The following SLC22A2 variants were observed in gnomAD, a reference collection of about 807,000 sequenced individuals.
SLC22A2 encodes the protein solute carrier family 22 member 2, also known as organic cation transporter 2.
In SLC22A2, 46 loss-of-function variants were observed where a neutral mutation model predicts 60.5. The observed-to-expected ratio is 0.76, with a 90% CI of 0.60 to 0.97. The LOEUF is 0.97. SLC22A2 is among the 50% of genes least tolerant of loss of function. The pLI is 0.00. For missense variants in SLC22A2, 701 were observed against 706.6 expected (o/e 0.99, Z 0.09); for synonymous variants, 303 against 267.0 (o/e 1.13, Z -1.31).
At chr6:160,248,441 T>G (rs770898153) in intron 4 of SLC22A2, among the ~76,000 whole-genome samples, 1 of 152,182 alleles carries the variant, frequency 6.6e-6, no homozygotes, top group African/African-American at 2.4e-5. Flanking sequence ...CAGAGTTTTA[T>G]TGGCTTTTGG....
At chr6:160,254,301 A>G (rs907114989) in intron 2 of SLC22A2, among the ~76,000 whole-genome samples, 3 of 152,094 alleles carry the variant, frequency 2.0e-5, no homozygotes, top group African/African-American at 7.2e-5. Flanking sequence ...AATAAAAAAT[A>G]TAGTACTTAT....
chr6:160,256,470 G>A lies in SLC22A2; in HGVS notation c.518+144C>T, dbSNP rs1783273300. ...TATCCAAGCAGCAGAAGAAATTTAA[G>A]ATTGTAAAAACACCAGCATGAAGGC... On this transcript the variant is annotated intron_variant, in intron 2 of 10. Transcript: ENST00000366953. 5 of 627,426 alleles carry A rather than the reference G, an allele frequency of 8.0e-6. No individual in the cohort carries two copies. The South Asian group carries it at 9.8e-5, about 12-fold the overall frequency. The allele number at this position is 627,426 out of a possible 1,614,324, so 38.9% of individuals were successfully genotyped here.
At chr6:160,245,353 G>T in intron 6 of SLC22A2, 86 bp downstream of exon 6, 1 of 717,756 alleles carries the variant, frequency 1.4e-6, no homozygotes, top group Non-Finnish European at 2.3e-6. Context: ...ATACCGGGAT[G>T]AGGTCATGTT....
chr6:160,245,634 C>A, intron 5 of SLC22A2, 89 bp from the exon 6 acceptor site: 2 of 650,488 alleles, frequency 3.1e-6, no homozygotes, highest in Non-Finnish European at 2.6e-6. Context: ...TCTTACCGTC[C>A]TGAGCGCCCA....
intron 9 of SLC22A2, among the ~76,000 whole-genome samples, chr6:160,235,803 C>T (rs918554348): frequency 5.3e-5 from 8 of 151,918 alleles, no homozygotes; most frequent in Admixed American, 5.2e-4. Flanking sequence ...GAAGGTTTAA[C>T]ATTAATAGTA....
intron 2 of SLC22A2, 127 bp from the exon 3 acceptor site, chr6:160,250,829 A>T (rs1783174229): frequency 1.1e-6 from 1 of 901,540 alleles, no homozygotes; most frequent in Non-Finnish European, 1.7e-6. Flanking sequence ...TGAATCCAGG[A>T]GGCACAGACT....
chr6:160,234,789 A>G (rs897624841), intron 9 of SLC22A2, among the ~76,000 whole-genome samples: 4 of 152,246 alleles, frequency 2.6e-5, no homozygotes, highest in Non-Finnish European at 5.9e-5. Context: ...GAACAACGGA[A>G]ACCAGCCAAT....
chr6:160,241,936 AC>A (rs1783010896), intron 8 of SLC22A2, among the ~76,000 whole-genome samples: 1 of 77,784 alleles, frequency 1.3e-5, no homozygotes, highest in African/African-American at 3.1e-5. Flanking sequence ...TTTTGTATAA[AC>A]CTTAAATTTT....
intron 9 of SLC22A2, among the ~76,000 whole-genome samples, chr6:160,230,728 G>A (rs946542757): frequency 2.6e-5 from 4 of 151,892 alleles, no homozygotes; most frequent in African/African-American, 9.7e-5. Flanking sequence ...GCAGCTGCCA[G>A]GGGTTCCTCC....
intron 10 of SLC22A2, among the ~76,000 whole-genome samples, chr6:160,218,587 A>G (rs1299310277): frequency 1.3e-5 from 2 of 152,286 alleles, no homozygotes; most frequent in African/African-American, 4.8e-5. Context: ...CAGCAATAGC[A>G]ACAATAGGAT....
chr6:160,222,201 G>A (rs73602405), intron 10 of SLC22A2, among the ~76,000 whole-genome samples: 1,819 of 152,284 alleles, frequency 0.012, 54 homozygotes, highest in African/African-American at 0.042. Context: ...AACTAGGACA[G>A]GTTTAGTGCC....
At chr6:160,226,855 G>A (rs1193285137) in intron 9 of SLC22A2, among the ~76,000 whole-genome samples, 1 of 151,992 alleles carries the variant, frequency 6.6e-6, no homozygotes, top group African/African-American at 2.4e-5. Context: ...GATGGAAAGG[G>A]GTGGGGGTCA....
intron 9 of SLC22A2, among the ~76,000 whole-genome samples, chr6:160,232,503 A>G (rs576399552): frequency 6.6e-6 from 1 of 151,882 alleles, no homozygotes; most frequent in Admixed American, 6.5e-5. Flanking sequence ...TGCCTTCCAT[A>G]TCCTGCACCA....
chr6:160,241,593 T>A lies in SLC22A2; in HGVS notation c.1389-7A>T, dbSNP rs990170560. ...GATGTGGACGCCAAGATTCCTAGAA[T>A]GCAGGAAACTGATTTAACTTGTTAA... On this transcript the variant is annotated splice_region_variant and splice_polypyrimidine_tract_variant and intron_variant, in intron 8 of 10. Coordinates refer to ENST00000366953, the MANE Select transcript of SLC22A2 (RefSeq NM_003058.4). The A allele has an allele frequency of 6.3e-7, 1 of 1,582,708 alleles. No individual in the cohort carries two copies. Among genetic ancestry groups the A allele is most frequent in the Non-Finnish European group, 8.7e-7 (1 of 1,151,686 alleles).
intron 3 of SLC22A2, among the ~76,000 whole-genome samples, chr6:160,249,656 A>G (rs991972227): frequency 6.6e-6 from 1 of 152,250 alleles, no homozygotes; most frequent in African/African-American, 2.4e-5. Context: ...TTCATGATGC[A>G]ATTGTATTTC....
intron 6 of SLC22A2, chr6:160,244,748 C>T (rs760336480): frequency 6.6e-6 from 1 of 152,222 alleles, no homozygotes; most frequent in African/African-American, 2.4e-5. Context: ...TCCTCATGAG[C>T]TTTGCTTTTG....
At chr6:160,219,167 A>T (rs1287497699) in intron 10 of SLC22A2, among the ~76,000 whole-genome samples, 8 of 898 alleles carry the variant, frequency 8.9e-3, no homozygotes, top group Non-Finnish European at 0.013. Context: ...AGCAGCAGCA[A>T]CATCAGCAAC....
In SLC22A2 at chr6:160,249,245, C is replaced by G. The variant is rs1310408344; in HGVS notation, c.813G>C (p.Leu271=). 7.5e-6 allele frequency: 12 copies of G among 1,605,406 alleles called. No homozygotes were observed. Among genetic ancestry groups the G allele is most frequent in the Non-Finnish European group, 1.0e-5 (12 of 1,177,014 alleles). The change falls in exon 4 of 11, where the codon CTG becomes CTC. Residue 271 remains leucine, a synonymous_variant. Transcript: ENST00000366953. ...AATAGAGCAAGAAGAAGAAGTTGGG[C>G]AGAGAAACTGTGAACTGCAACCACC... ...HWRWLQFTVS[L]PNFFFLLYYW...
Position 160,258,754 on chromosome 6 carries a change from G to C in SLC22A2, c.4C>G (p.Pro2Ala). ...TCCAGGACATCGTCCACGGTGGTGG[G>C]CATGATCCTGCAGGCAGGAGGGCCC... is the stretch of plus-strand genomic sequence containing the variant. M[P>A]TTVDDVLEHG... The change falls in exon 1 of 11, where the codon CCC (proline) becomes GCC (alanine). Residue 2 changes from proline to alanine, a missense_variant. Transcript: ENST00000366953. The C allele has an allele frequency of 6.5e-7, 1 of 1,544,124 alleles. No individual in the cohort carries two copies. The highest frequency in any genetic ancestry group is 1.3e-5 in the South Asian group (1 of 79,400).
Sources: allele counts gnomAD v4.1 joint callset (sites outside exome capture counted in the v4.1 genomes callset), GRCh38; gene constraint gnomAD v4.1.1; transcripts MANE v1.5; gene names NCBI Gene and HGNC (gene_info 2026-07-23, HGNC 2026-07-21).